CAPN7: variants seen among roughly 807,000 people sequenced by gnomAD.
CAPN7 encodes calpain-7.
Under a neutral mutation model 115.2 loss-of-function variants are expected in CAPN7, and 72 were observed. The ratio of observed to expected loss-of-function variants is 0.63; its 90% CI spans 0.52 to 0.76. The LOEUF (loss-of-function observed/expected upper bound fraction) is 0.76. Among genes scored for constraint, CAPN7 ranks in the 30% least tolerant of loss-of-function variants. CAPN7 has a pLI of 0.00. For missense variants in CAPN7, 905 were observed against 971.5 expected, an observed-to-expected ratio of 0.93 and a Z score of 0.91; for synonymous variants, 344 against 322.3, an observed-to-expected ratio of 1.07 and a Z score of -0.72.
chr3:15,250,218 A>T (rs918866551), intron 19 of CAPN7, among the ~76,000 whole-genome samples: 73 of 151,402 alleles, frequency 4.8e-4, no homozygotes, highest in African/African-American at 1.7e-3. Flanking sequence ...ATAAAAAAAA[A>T]TTTAAGAAAT....
chr3:15,235,061 T>C lies in CAPN7; in HGVS notation c.1323T>C (p.Thr441=). ...HKGDVLITAS[T]GMMTEAEGEK... ...GAGATGTCCTCATCACTGCGTCAAC[T>C]GGAATGATGACAGAAGCTGAAGGAG... is the stretch of plus-strand genomic sequence containing the variant. The change falls in exon 12 of 21, where the codon ACT becomes ACC. Residue 441 remains threonine, a synonymous_variant. Coordinates refer to ENST00000253693, the MANE Select transcript of CAPN7 (RefSeq NM_014296.3). 7 of 1,612,922 alleles carry C rather than the reference T, an allele frequency of 4.3e-6. No homozygotes were observed. The highest frequency in any genetic ancestry group is 5.9e-6 in the Non-Finnish European group (7 of 1,178,996).
chr3:15,220,990 G>A lies in CAPN7; in HGVS notation c.638+9G>A. On this transcript the variant is annotated intron_variant, in intron 5 of 20. Transcript: ENST00000253693. ...GAAATAGAAGTACTCAGGTAAATAA[G>A]TTTACAATTAATTGTAATGAAGAAT... 1 of 1,605,846 alleles carries A rather than the reference G, an allele frequency of 6.2e-7. No homozygotes were observed. Among genetic ancestry groups the A allele is most frequent in the Non-Finnish European group, 8.5e-7 (1 of 1,173,050 alleles).
chr3:15,224,736 ATTTATT>A (rs1694213370), intron 6 of CAPN7, among the ~76,000 whole-genome samples: 1 of 152,026 alleles, frequency 6.6e-6, no homozygotes, highest in Admixed American at 6.6e-5. Flanking sequence ...AGCATGTTAT[ATTTATT>A]ATTAGAAAAA....
At chr3:15,222,689 A>G (rs1027063578) in intron 5 of CAPN7, among the ~76,000 whole-genome samples, 1 of 152,224 alleles carries the variant, frequency 6.6e-6, no homozygotes, top group Non-Finnish European at 1.5e-5. Flanking sequence ...ACATGTTTGA[A>G]ATTCTGTACT....
At chr3:15,217,173 AG>A (rs1435119227) in intron 2 of CAPN7, among the ~76,000 whole-genome samples, 2 of 151,468 alleles carry the variant, frequency 1.3e-5, no homozygotes, top group African/African-American at 4.9e-5. Flanking sequence ...CTTGAGCCCG[AG>A]GAGGTAGAGG....
intron 5 of CAPN7, 171 bp downstream of exon 5, chr3:15,221,152 T>A (rs535131762): frequency 4.0e-6 from 2 of 504,102 alleles, no homozygotes; most frequent in East Asian, 6.6e-5. Context: ...AAAATTTTAG[T>A]TCTGATATAT....
intron 11 of CAPN7, 64 bp from the exon 12 acceptor site, chr3:15,234,961 A>G (rs1694900596): frequency 2.1e-6 from 3 of 1,457,904 alleles, no homozygotes; most frequent in East Asian, 2.3e-5. Context: ...AAAAGATAAA[A>G]TGGTGTGATC....
chr3:15,238,849 A>ATTTTTTTTTTTTT (rs59838740), intron 12 of CAPN7, among the ~76,000 whole-genome samples: 83 of 113,980 alleles, frequency 7.3e-4, no homozygotes, highest in African/African-American at 2.9e-3. Flanking sequence ...GCAAAATCAA[A>ATTTTTTTTTTTTT]TTTTTTTTTT....
intron 1 of CAPN7, 80 bp downstream of exon 1, chr3:15,206,677 G>A (rs1325745116): frequency 2.0e-5 from 21 of 1,045,298 alleles, no homozygotes; most frequent in Non-Finnish European, 2.6e-5. Flanking sequence ...GCGGGATCCG[G>A]GTGCGGAGGC....
At chr3:15,212,945 A>G (rs1011235620) in intron 2 of CAPN7, among the ~76,000 whole-genome samples, 2 of 152,204 alleles carry the variant, frequency 1.3e-5, no homozygotes, top group Non-Finnish European at 2.9e-5. Context: ...GATACGAGCA[A>G]TTACAAGAAC....
intron 5 of CAPN7, among the ~76,000 whole-genome samples, chr3:15,221,904 A>G (rs762665235): frequency 1.3e-5 from 2 of 151,978 alleles, no homozygotes; most frequent in Non-Finnish European, 1.5e-5. Flanking sequence ...TGCAAAGCCG[A>G]GATCACGCCA....
intron 9 of CAPN7, 115 bp from the exon 10 acceptor site, chr3:15,232,404 G>A (rs1017705618): frequency 1.5e-5 from 11 of 737,302 alleles, no homozygotes; most frequent in South Asian, 2.2e-5. Flanking sequence ...CTTAATAGCC[G>A]TCAGCATATT....
intron 12 of CAPN7, among the ~76,000 whole-genome samples, chr3:15,235,664 A>G (rs1477481566): frequency 1.3e-5 from 2 of 152,136 alleles, no homozygotes; most frequent in Non-Finnish European, 2.9e-5. Context: ...ACAGTTCACA[A>G]TAGGGTTCAC....
chr3:15,209,092 C>T (rs1316793825), intron 1 of CAPN7, among the ~76,000 whole-genome samples: 2 of 152,050 alleles, frequency 1.3e-5, no homozygotes, highest in Non-Finnish European at 2.9e-5. Context: ...CTCGCTGCAA[C>T]CTCCACCTCG....
intron 2 of CAPN7, among the ~76,000 whole-genome samples, chr3:15,213,535 G>T (rs2045069651): frequency 6.6e-6 from 1 of 152,192 alleles, no homozygotes; most frequent in African/African-American, 2.4e-5. Context: ...ATTATTCCAG[G>T]AGTAGAATCT....
intron 6 of CAPN7, among the ~76,000 whole-genome samples, chr3:15,225,182 A>G (rs978909777): frequency 2.0e-5 from 3 of 152,202 alleles, no homozygotes; most frequent in Non-Finnish European, 4.4e-5. Flanking sequence ...AAAAATCATC[A>G]TTTTGTTAGT....
In CAPN7 at chr3:15,232,534, C is replaced by G; in HGVS notation, c.1048C>G (p.Gln350Glu). The change falls in exon 10 of 21, where the codon CAG becomes GAG. Residue 350 changes from glutamine (Q) to glutamate (E), a missense_variant. By Grantham distance (29) the Gln-to-Glu change is conservative. Around this residue, in one of 3 missense-constraint regions of CAPN7, gnomAD observed 620 missense variants for 703.4 expected, o/e 0.88. Coordinates refer to ENST00000253693, the MANE Select transcript of CAPN7 (RefSeq NM_014296.3). ...CTTTCTCCAGGTGATAATTGATGAC[C>G]AGTTACCTGTTGATCACAAGGGAGA... ...GVPRKVIIDDQLPVDHKGELL... is the reference protein window; with the variant it reads ...GVPRKVIIDDELPVDHKGELL... 1 of 1,607,242 alleles carries G rather than the reference C, an allele frequency of 6.2e-7. No individual in the cohort carries two copies. Among genetic ancestry groups the G allele is most frequent in the Non-Finnish European group, 8.5e-7 (1 of 1,177,504 alleles).
rs557107254 is a variant in CAPN7, at chr3:15,229,051, A to G, written c.930A>G (p.Leu310=). The G allele has an allele frequency of 5.4e-5, 87 of 1,611,054 alleles. 1 individual carries two copies. In the South Asian group the frequency reaches 9.1e-4, roughly 17 times the overall value. Residue 310 remains leucine (L), a synonymous_variant, in exon 8 of 21, where the codon TTA becomes TTG. Transcript: ENST00000253693. ...AAYERRFNKK[L]ITGIIYPQNK... ...ATGAAAGACGTTTTAATAAGAAGTT[A>G]ATTACCGGGTAAAAATGTGTCTCTC...
intron 5 of CAPN7, among the ~76,000 whole-genome samples, chr3:15,221,248 T>C (rs569843769): frequency 6.6e-6 from 1 of 152,022 alleles, no homozygotes; most frequent in African/African-American, 2.4e-5. Flanking sequence ...GGTGTGATCT[T>C]GGCTCACTGC....
Sources: gnomAD v4.1 joint callset for allele counts (sites outside exome capture counted in the v4.1 genomes callset) on GRCh38, gnomAD v4.1.1 for gene constraint, gnomAD v4.1.1 regional missense constraint, MANE v1.5 for transcripts, NCBI Gene and HGNC (gene_info 2026-07-23, HGNC 2026-07-21) for gene names.